The following CADPS variants were observed in gnomAD, a reference collection of about 807,000 sequenced individuals.
CADPS encodes calcium dependent secretion activator.
CADPS carries 57 observed loss-of-function variants against 167.3 expected under a neutral mutation model. The observed-to-expected ratio is 0.34, with a 90% CI of 0.28 to 0.42. CADPS has a LOEUF of 0.42. CADPS is among the 20% of genes least tolerant of loss of function. CADPS has a pLI of 1.00. For missense variants in CADPS, 1,414 were observed against 1,738.1 expected (o/e 0.81, Z 3.32); for synonymous variants, 676 against 635.3 (o/e 1.06, Z -0.96).
intron 1 of CADPS, among the ~76,000 whole-genome samples, chr3:62,820,795 G>GTTTTTT (rs5849504): frequency 2.9e-5 from 4 of 137,996 alleles, no homozygotes; most frequent in African/African-American, 8.3e-5. Flanking sequence ...CTTTTTTTTG[G>GTTTTTT]TTTTTTTTTT....
chr3:62,795,069 C>G lies in CADPS; in HGVS notation c.442-29085G>C, dbSNP rs139359377. 6.4e-4 allele frequency among the ~76,000 whole-genome samples: 98 copies of G among 152,210 alleles called. 2 individuals are homozygous for G. Among genetic ancestry groups the G allele is most frequent in the Middle Eastern group, 3.4e-3 (1 of 294 alleles). ...GTTTACTGACATCTTCCTAAGAACT[C>G]AGACTCTCCATCTCTCTTGACGGAA... On this transcript the variant is annotated intron_variant, in intron 1 of 29. Transcript: ENST00000383710.
intron 2 of CADPS, 98 bp downstream of exon 2, chr3:62,765,773 T>C: frequency 1.5e-6 from 1 of 670,856 alleles, no homozygotes; most frequent in Non-Finnish European, 2.6e-6. Flanking sequence ...GATGATACTG[T>C]AGTAAACCAA....
intron 1 of CADPS, among the ~76,000 whole-genome samples, chr3:62,870,460 C>T (rs552844889): frequency 3.9e-5 from 6 of 151,990 alleles, no homozygotes; most frequent in Non-Finnish European, 7.4e-5. Context: ...TTTAGTCTTG[C>T]CCAAATAAGC....
At chr3:62,585,609 T>C (rs1578254643) in intron 7 of CADPS, among the ~76,000 whole-genome samples, 1 of 152,338 alleles carries the variant, frequency 6.6e-6, no homozygotes, top group South Asian at 2.1e-4. Context: ...ATGGAGAATA[T>C]TGTCCACACA....
chr3:62,709,029 A>G (rs1341778624), intron 3 of CADPS, among the ~76,000 whole-genome samples: 1 of 151,228 alleles, frequency 6.6e-6, no homozygotes, highest in Non-Finnish European at 1.5e-5. Flanking sequence ...CTGCAAAGGC[A>G]TTTGAAGGTA....
chr3:62,754,431 A>G (rs1223243475), intron 2 of CADPS, among the ~76,000 whole-genome samples: 5 of 152,060 alleles, frequency 3.3e-5, no homozygotes, highest in Non-Finnish European at 7.4e-5. Flanking sequence ...CAAGCAACCC[A>G]TCCACCTCGG....
intron 1 of CADPS, among the ~76,000 whole-genome samples, chr3:62,852,511 C>T (rs552944990): frequency 1.3e-5 from 2 of 152,194 alleles, no homozygotes; most frequent in African/African-American, 2.4e-5. Flanking sequence ...TTCATAATGG[C>T]CCCATCATGA....
At chr3:62,608,386 G>C (rs1228188946) in intron 6 of CADPS, among the ~76,000 whole-genome samples, 1 of 151,504 alleles carries the variant, frequency 6.6e-6, no homozygotes, top group Non-Finnish European at 1.5e-5. Flanking sequence ...GGGCTCACGT[G>C]ATCCTCTCAC....
intron 11 of CADPS, among the ~76,000 whole-genome samples, chr3:62,540,774 G>A (rs932108101): frequency 6.6e-6 from 1 of 152,086 alleles, no homozygotes; most frequent in African/African-American, 2.4e-5. Context: ...AGTCATTCTT[G>A]CACTGTCCCG....
At chr3:62,577,063 G>A (rs1393924514) in intron 8 of CADPS, among the ~76,000 whole-genome samples, 1 of 152,118 alleles carries the variant, frequency 6.6e-6, no homozygotes, top group East Asian at 1.9e-4. Context: ...AAAAGAAGAG[G>A]AAGATTCATC....
chr3:62,445,895 G>A lies in CADPS; in HGVS notation c.3637-98C>T, dbSNP rs2057144526. 43 of 788,264 alleles carry A rather than the reference G, an allele frequency of 5.5e-5. 1 individual carries two copies. The South Asian group carries it at 1.5e-3, about 27-fold the overall frequency. The allele number at this position is 788,264 out of a possible 1,614,324, so 48.8% of individuals were successfully genotyped here. A position where few individuals can be genotyped will look rare whatever the true frequency, so the allele number is the denominator to read the frequency against. Reference sequence around the variant, plus strand: ...CCCATCAGAATCAAAACAACATGCTGGCACATGGAGCTGACCAGGAAAAAC... The same window carrying A: ...CCCATCAGAATCAAAACAACATGCTAGCACATGGAGCTGACCAGGAAAAAC... On this transcript the variant is annotated intron_variant, in intron 26 of 29. Coordinates refer to ENST00000383710, the MANE Select transcript of CADPS (RefSeq NM_003716.4).
At chr3:62,790,934 TTC>T (rs1199538053) in intron 1 of CADPS, among the ~76,000 whole-genome samples, 1 of 152,032 alleles carries the variant, frequency 6.6e-6, no homozygotes, top group East Asian at 1.9e-4. Context: ...GTCATGATAA[TTC>T]TGTGTTATTT....
intron 6 of CADPS, among the ~76,000 whole-genome samples, chr3:62,629,054 T>C (rs1308305793): frequency 6.6e-6 from 1 of 152,162 alleles, no homozygotes; most frequent in East Asian, 1.9e-4. Flanking sequence ...ATGTCTACTC[T>C]CTTAAGAAAA....
At chr3:62,701,068 C>T (rs1180325744) in intron 3 of CADPS, among the ~76,000 whole-genome samples, 1 of 152,142 alleles carries the variant, frequency 6.6e-6, no homozygotes, top group South Asian at 2.1e-4. Context: ...TTCATGAGGG[C>T]TCTATTCTTA....
chr3:62,542,548 A>C (rs2075857078), intron 11 of CADPS, among the ~76,000 whole-genome samples: 1 of 152,118 alleles, frequency 6.6e-6, no homozygotes. Context: ...CTGCACAGCA[A>C]GCAAAAGACT....
At chr3:62,466,247 C>T (rs1050672347) in intron 25 of CADPS, 92 bp downstream of exon 25, 2 of 836,290 alleles carry the variant, frequency 2.4e-6, no homozygotes, top group African/African-American at 3.4e-5. Context: ...AAGTATCCAG[C>T]TCAACTTTTT....
At chr3:62,784,685 C>T (rs1486567050) in intron 1 of CADPS, among the ~76,000 whole-genome samples, 1 of 149,938 alleles carries the variant, frequency 6.7e-6, no homozygotes. Context: ...ACGGGTGTAA[C>T]CAGCAAAATC....
intron 24 of CADPS, among the ~76,000 whole-genome samples, chr3:62,472,648 C>A (rs1386170457): frequency 6.6e-6 from 1 of 152,294 alleles, no homozygotes; most frequent in East Asian, 1.9e-4. Context: ...CACATGCTGG[C>A]CTTCTTGATT....
Position 62,628,649 on chromosome 3 carries a change from A to G in CADPS, c.1325+17073T>C, listed in dbSNP as rs181526529. Among the ~76,000 whole-genome samples, 5 of 146,008 alleles carry G rather than the reference A, an allele frequency of 3.4e-5. No homozygotes were observed. In the East Asian group the frequency reaches 1.0e-3, roughly 30 times the overall value. On this transcript the variant is annotated intron_variant, in intron 6 of 29. Coordinates refer to ENST00000383710, the MANE Select transcript of CADPS (RefSeq NM_003716.4). The stretch of plus-strand genomic sequence containing the variant: ...CCTTTTTTTTTTCTTTTTTCTTGAG[A>G]CAGAGTCTCGCTCTGTCACCAGGCT...
Sources: allele counts gnomAD v4.1 joint callset (sites outside exome capture counted in the v4.1 genomes callset), GRCh38; gene constraint gnomAD v4.1.1; transcripts MANE v1.5; gene names NCBI Gene and HGNC (gene_info 2026-07-23, HGNC 2026-07-21).